Variants in TSR1 observed in about 807,000 individuals in gnomAD.
TSR1 encodes TSR1 ribosome maturation factor, also known as pre-rRNA-processing protein TSR1 homolog.
Under a neutral mutation model 90.9 loss-of-function variants are expected in TSR1, and 81 were observed. The observed-to-expected ratio is 0.89, with a 90% CI of 0.74 to 1.07. The LOEUF (loss-of-function observed/expected upper bound fraction) is 1.07, where lower values mean the gene tolerates loss of function less well. Among genes scored for constraint, TSR1 ranks in the 50% least tolerant of loss-of-function variants. The pLI is 0.00. For missense variants in TSR1, 989 were observed against 987.3 expected (o/e 1.00, Z -0.02); for synonymous variants, 362 against 348.8 (o/e 1.04, Z -0.42).
In TSR1 at chr17:2,330,865, T is replaced by G. The variant is rs183719465; in HGVS notation, c.1659+82A>C. The G allele has an allele frequency of 8.1e-6, 12 of 1,484,080 alleles. No homozygotes were observed. In the Admixed American group the frequency reaches 1.4e-4, roughly 17 times the overall value. 91.9% of individuals were successfully genotyped at this position (1,484,080 alleles called of 1,614,324 possible). On this transcript the variant is annotated intron_variant, in intron 9 of 14. Coordinates refer to ENST00000301364, the MANE Select transcript of TSR1 (RefSeq NM_018128.5). ...CCCCTAATCCCCAAATGCAGCATAT[T>G]TTCATGCCAAGAGAAGGAATAAAGT... is the stretch of plus-strand genomic sequence containing the variant.
In TSR1 at chr17:2,333,611, G is replaced by T; in HGVS notation, c.1087C>A (p.Pro363Thr). The T allele has an allele frequency of 6.2e-7, 1 of 1,614,066 alleles. No homozygotes were observed. The highest frequency in any genetic ancestry group is 8.5e-7 in the Non-Finnish European group (1 of 1,180,024). ...ESLQAEVIPD[P>T]MEGEQTWPTE... The stretch of plus-strand genomic sequence containing the variant: ...GGCCAGGTTTGCTCTCCCTCCATTG[G>T]ATCTGGGATAACCTCTGCTTGCAAG... The change falls in exon 6 of 15, where the codon CCA becomes ACA. Residue 363 changes from proline (P) to threonine (T), a missense_variant. By Grantham distance (38) the Pro-to-Thr change is conservative. Transcript: ENST00000301364.
At chr17:2,329,744 C>T (rs2151440623) in intron 10 of TSR1, among the ~76,000 whole-genome samples, 1 of 152,244 alleles carries the variant, frequency 6.6e-6, no homozygotes, top group African/African-American at 2.4e-5. Flanking sequence ...AGCTCAACAT[C>T]TGCCACACAA....
intron 4 of TSR1, 25 bp from the exon 5 acceptor site, chr17:2,334,921 C>T (rs370688926): frequency 1.3e-6 from 2 of 1,589,744 alleles, no homozygotes; most frequent in Admixed American, 1.7e-5. Flanking sequence ...GAAAACGCTT[C>T]ATGACCTACT....
At chr17:2,335,959 G>T in intron 2 of TSR1, 78 bp downstream of exon 2, 1 of 1,464,658 alleles carries the variant, frequency 6.8e-7, no homozygotes, top group Non-Finnish European at 9.5e-7. Flanking sequence ...CCTCCTCCCG[G>T]TCTCATTTTC....
chr17:2,328,558 C>T (rs1298821410), intron 11 of TSR1, among the ~76,000 whole-genome samples: 1 of 151,456 alleles, frequency 6.6e-6, no homozygotes, highest in Admixed American at 6.6e-5. Context: ...TATTGCACTC[C>T]AGCCTGGGCA....
At position 2,323,587 on chromosome 17, in the gene TSR1, T is replaced by C. The variant is rs929660453; in HGVS notation, c.*609A>G. 5 of 1,523,406 alleles carry C rather than the reference T, an allele frequency of 3.3e-6. No homozygotes were observed. In the African/African-American group the frequency reaches 5.5e-5, roughly 17 times the overall value. 94.4% of individuals were successfully genotyped at this position (1,523,406 alleles called of 1,614,324 possible). ...AATTCAAACTGGACACGTATTCTCA[T>C]CTGAACTTTATAGGTAAACCAACTA... On this transcript the variant is annotated 3_prime_UTR_variant, in exon 15 of 15. Transcript: ENST00000301364.
At position 2,336,424 on chromosome 17, in the gene TSR1, C is replaced by G. The variant is rs2064085749; in HGVS notation, c.4G>C (p.Ala2Pro). The change falls in exon 1 of 15, where the codon GCG becomes CCG. Residue 2 changes from alanine to proline, a missense_variant. Coordinates refer to ENST00000301364, the MANE Select transcript of TSR1 (RefSeq NM_018128.5). MAAHRPGPLKQQ... is the reference protein window; with the variant it reads MPAHRPGPLKQQ... ...TTGAGCGGGCCGGGGCGGTGGGCCGCCATGCCGCAGCGCGCGTGTACGGAG... is the reference window on the plus strand; with the variant it reads ...TTGAGCGGGCCGGGGCGGTGGGCCGGCATGCCGCAGCGCGCGTGTACGGAG... The G allele has an allele frequency of 6.2e-7, 1 of 1,610,188 alleles. No individual in the cohort carries two copies.
chr17:2,329,498 A>C (rs1316146288), intron 10 of TSR1, 23 bp from the exon 11 acceptor site: 23 of 1,612,848 alleles, frequency 1.4e-5, no homozygotes, highest in Non-Finnish European at 1.9e-5. Context: ...TAAGAAAAAC[A>C]AAAATCTTCA....
Position 2,324,759 on chromosome 17 carries a change from A to C in TSR1, c.2091T>G (p.Val697=), listed in dbSNP as rs1055112187. ...VDPDRMVIKR[V]VLSGHPFKIF... is the part of the protein sequence containing the mutation. ...TTTTGAAAGGATGACCACTCAGAAC[A>C]ACTCTCTTGATGACCATTCTGTCTG... Residue 697 remains valine, a synonymous_variant, in exon 13 of 15, where the codon GTT becomes GTG. Coordinates refer to ENST00000301364, the MANE Select transcript of TSR1 (RefSeq NM_018128.5). 6.2e-7 allele frequency: 1 copy of C among 1,614,128 alleles called. No individual in the cohort carries two copies. The highest frequency in any genetic ancestry group is 1.3e-5 in the African/African-American group (1 of 74,956).
In TSR1 at chr17:2,324,236, C is replaced by T; in HGVS notation, c.2375G>A (p.Ser792Asn). Residue 792 changes from serine (S) to asparagine (N), a missense_variant, in exon 15 of 15, where the codon AGT becomes AAT. By Grantham distance (46) the Ser-to-Asn change is conservative. Coordinates refer to ENST00000301364, the MANE Select transcript of TSR1 (RefSeq NM_018128.5). ...YVPEPVPWLK[S>N]EISSTVPQGG... ...TTGAGGCACTGTTGAAGAAATCTCA[C>T]TTTTCAGCCAGGGTACTGGTTCTGG... 6.5e-7 allele frequency: 1 copy of T among 1,529,698 alleles called. No individual in the cohort carries two copies. The highest frequency in any genetic ancestry group is 2.3e-5 in the East Asian group (1 of 44,358). The allele number at this position is 1,529,698 out of a possible 1,614,324, so 94.8% of individuals were successfully genotyped here.
At chr17:2,332,142 G>T (rs777942870) in intron 8 of TSR1, 27 bp downstream of exon 8, 6 of 1,598,118 alleles carry the variant, frequency 3.8e-6, no homozygotes, top group Non-Finnish European at 4.3e-6. Flanking sequence ...ACTGAATTTA[G>T]ATTTGTTGAT....
In TSR1 at chr17:2,336,025, C is replaced by A; in HGVS notation, c.201+12G>T. On this transcript the variant is annotated intron_variant, in intron 2 of 14. Transcript: ENST00000301364. ...AGAGAAGCCGCATTCTCCCAAATCC[C>A]GCTCCTCTCACCGCCTCCTTCTTCT... 4 of 1,613,808 alleles carry A rather than the reference C, an allele frequency of 2.5e-6. No individual in the cohort carries two copies. The highest frequency in any genetic ancestry group is 3.4e-6 in the Non-Finnish European group (4 of 1,179,686).
chr17:2,331,966 G>A (rs1221044367), intron 8 of TSR1, among the ~76,000 whole-genome samples: 8 of 152,260 alleles, frequency 5.3e-5, no homozygotes, highest in East Asian at 1.9e-4. Flanking sequence ...GTCCTGTAAC[G>A]TGAGTCTGCA....
intron 5 of TSR1, 104 bp downstream of exon 5, chr17:2,334,368 G>C: frequency 8.2e-7 from 1 of 1,212,214 alleles, no homozygotes; most frequent in Non-Finnish European, 1.2e-6. Flanking sequence ...CTTCAGACTA[G>C]CAGTCTCCTC....
chr17:2,330,597 G>A lies in TSR1; in HGVS notation c.1688C>T (p.Ser563Phe). The part of the protein sequence containing the change: ...EVGWYVTLHV[S>F]EVPVSVVECF... ...CTCGACCACTGAGACGGGGACTTCAGAGACATGAAGTGTGACATACCAGCC... is the reference window on the plus strand; with the variant it reads ...CTCGACCACTGAGACGGGGACTTCAAAGACATGAAGTGTGACATACCAGCC... Residue 563 changes from serine (S) to phenylalanine (F), a missense_variant, in exon 10 of 15, where the codon TCT (serine) becomes TTT (phenylalanine). By Grantham distance (155) the Ser-to-Phe change is radical. Transcript: ENST00000301364. The A allele has an allele frequency of 6.2e-7, 1 of 1,613,910 alleles. No individual in the cohort carries two copies. Among genetic ancestry groups the A allele is most frequent in the Non-Finnish European group, 8.5e-7 (1 of 1,179,988 alleles).
chr17:2,331,453 T>G (rs2064002465), intron 8 of TSR1, among the ~76,000 whole-genome samples: 1 of 152,082 alleles, frequency 6.6e-6, no homozygotes, highest in South Asian at 2.1e-4. Flanking sequence ...TTCTCATGAG[T>G]GGGTTAGCAC....
chr17:2,322,984 T>G lies in TSR1; in HGVS notation c.*1212A>C. ...TTCACCAGGTTGGCCAGGCTGGTCT[T>G]GAACTCCTGACCTCAGCTGATCCAC... On this transcript the variant is annotated 3_prime_UTR_variant, in exon 15 of 15. Transcript: ENST00000301364. 2 of 703,162 alleles carry G rather than the reference T, an allele frequency of 2.8e-6. No individual in the cohort carries two copies. The highest frequency in any genetic ancestry group is 3.7e-5 in the South Asian group (2 of 54,322). The allele number at this position is 703,162 out of a possible 1,614,324, so 43.6% of individuals were successfully genotyped here.
chr17:2,322,987 AC>A lies in TSR1; in HGVS notation c.*1208del. The stretch of plus-strand genomic sequence containing the variant: ...ACCAGGTTGGCCAGGCTGGTCTTGA[AC>A]TCCTGACCTCAGCTGATCCACCCGC... On this transcript the variant is annotated 3_prime_UTR_variant, in exon 15 of 15. Coordinates refer to ENST00000301364, the MANE Select transcript of TSR1 (RefSeq NM_018128.5). 1 of 711,972 alleles carries A rather than the reference AC, an allele frequency of 1.4e-6. No homozygotes were observed. The highest frequency in any genetic ancestry group is 2.3e-6 in the Non-Finnish European group (1 of 432,516). 44.1% of individuals were successfully genotyped at this position (711,972 alleles called of 1,614,324 possible).
chr17:2,332,831 C>A, intron 7 of TSR1, 130 bp downstream of exon 7: 1 of 896,320 alleles, frequency 1.1e-6, no homozygotes, highest in Non-Finnish European at 1.6e-6. Flanking sequence ...AGCAAGACTC[C>A]GTCTCATAAA....
Sources: allele counts gnomAD v4.1 joint callset (sites outside exome capture counted in the v4.1 genomes callset), GRCh38; gene constraint gnomAD v4.1.1; transcripts MANE v1.5; gene names NCBI Gene and HGNC (gene_info 2026-07-23, HGNC 2026-07-21).